Variants in PTPRM observed in about 807,000 individuals in gnomAD.
PTPRM encodes protein tyrosine phosphatase receptor type M, also known as receptor-type tyrosine-protein phosphatase mu.
PTPRM carries 47 observed loss-of-function variants against 186.7 expected under a neutral mutation model. The observed-to-expected ratio is 0.25, with a 90% CI of 0.20 to 0.32. The LOEUF is 0.32. PTPRM is among the 10% of genes least tolerant of loss of function. The pLI, the probability that PTPRM is intolerant of heterozygous loss-of-function variation, is 1.00. For missense variants in PTPRM, 1,494 were observed against 1,865.0 expected (o/e 0.80, Z 3.66); for synonymous variants, 668 against 674.9 (o/e 0.99, Z 0.16).
chr18:8,240,807 AG>A (rs2094423482), intron 14 of PTPRM, among the ~76,000 whole-genome samples: 1 of 53,818 alleles, frequency 1.9e-5, no homozygotes, highest in African/African-American at 8.5e-5. Flanking sequence ...AGAGAGAGAG[AG>A]AGAGAGAGAG....
intron 14 of PTPRM, among the ~76,000 whole-genome samples, chr18:8,202,638 C>G (rs1458263473): frequency 6.6e-6 from 1 of 151,682 alleles, no homozygotes; most frequent in Non-Finnish European, 1.5e-5. Context: ...ACGGAACTGC[C>G]TGTGTTTACC....
chr18:7,792,185 C>T (rs2043374144), intron 2 of PTPRM, among the ~76,000 whole-genome samples: 1 of 152,172 alleles, frequency 6.6e-6, no homozygotes, highest in Admixed American at 6.5e-5. Flanking sequence ...AACCAAAATG[C>T]TAACCCATAA....
At chr18:8,021,167 T>C (rs2085195112) in intron 7 of PTPRM, among the ~76,000 whole-genome samples, 1 of 152,292 alleles carries the variant, frequency 6.6e-6, no homozygotes, top group East Asian at 1.9e-4. Flanking sequence ...GAAAATACTC[T>C]GTGTACTTGG....
At chr18:7,628,734 A>AAATG (rs1385652604) in intron 1 of PTPRM, among the ~76,000 whole-genome samples, 19 of 152,320 alleles carry the variant, frequency 1.2e-4, no homozygotes, top group African/African-American at 4.1e-4. Context: ...GCACTGTCCT[A>AAATG]AATGCTGCTG....
At chr18:7,832,921 T>C (rs1469766603) in intron 2 of PTPRM, among the ~76,000 whole-genome samples, 1 of 152,172 alleles carries the variant, frequency 6.6e-6, no homozygotes, top group African/African-American at 2.4e-5. Flanking sequence ...CAAAAATGAG[T>C]ATACTGTAGG....
intron 13 of PTPRM, among the ~76,000 whole-genome samples, chr18:8,135,613 G>A (rs910931558): frequency 6.6e-5 from 10 of 152,228 alleles, no homozygotes; most frequent in East Asian, 1.9e-4. Context: ...TAAACACAAC[G>A]CCACAATAAA....
At chr18:8,342,936 GAA>G (rs33915601) in intron 22 of PTPRM, among the ~76,000 whole-genome samples, 98 of 151,064 alleles carry the variant, frequency 6.5e-4, no homozygotes, top group Admixed American at 1.8e-3. Flanking sequence ...AAGTCAAGCA[GAA>G]AAAAAAATGG....
chr18:8,386,943 G>A (rs1012843481), intron 30 of PTPRM, 129 bp from the exon 31 acceptor site: 36 of 963,850 alleles, frequency 3.7e-5, no homozygotes, highest in East Asian at 2.2e-4. Context: ...CAGAAGCCAC[G>A]TTGGTAATTT....
At chr18:7,832,833 A>G (rs187126606) in intron 2 of PTPRM, among the ~76,000 whole-genome samples, 1 of 152,304 alleles carries the variant, frequency 6.6e-6, no homozygotes, top group Non-Finnish European at 1.5e-5. Flanking sequence ...ATTCTTCTAC[A>G]TATGAATATC....
intron 23 of PTPRM, among the ~76,000 whole-genome samples, chr18:8,354,023 C>A (rs2095550028): frequency 6.6e-6 from 1 of 152,060 alleles, no homozygotes; most frequent in Non-Finnish European, 1.5e-5. Context: ...TCCAGCCTGG[C>A]CAACATGGTG....
chr18:8,168,450 A>C (rs1444714131), intron 14 of PTPRM, among the ~76,000 whole-genome samples: 6 of 152,200 alleles, frequency 3.9e-5, no homozygotes, highest in Non-Finnish European at 5.9e-5. Flanking sequence ...AAGTGTATAG[A>C]CTACATTTGG....
At chr18:7,671,634 A>G (rs2039218809) in intron 1 of PTPRM, among the ~76,000 whole-genome samples, 1 of 152,224 alleles carries the variant, frequency 6.6e-6, no homozygotes, top group Non-Finnish European at 1.5e-5. Context: ...AATGATTATC[A>G]TTTGTAAGGC....
chr18:7,613,033 A>ACCAG (rs1202279252), intron 1 of PTPRM, among the ~76,000 whole-genome samples: 1 of 152,128 alleles, frequency 6.6e-6, no homozygotes, highest in East Asian at 1.9e-4. Context: ...GGCTCAGGAA[A>ACCAG]CCAGCGTCCC....
chr18:8,161,147 T>C (rs2093221841), intron 14 of PTPRM, among the ~76,000 whole-genome samples: 1 of 152,184 alleles, frequency 6.6e-6, no homozygotes, highest in Admixed American at 6.5e-5. Context: ...AGAGGTGACA[T>C]AGCATTCACT....
intron 24 of PTPRM, chr18:8,371,756 A>G (rs566227913): frequency 1.3e-5 from 2 of 152,784 alleles, no homozygotes; most frequent in South Asian, 4.1e-4. Flanking sequence ...TTCTGCTGAC[A>G]TAGGGAGGGG....
intron 1 of PTPRM, among the ~76,000 whole-genome samples, chr18:7,660,839 C>T (rs929198363): frequency 2.6e-5 from 4 of 152,008 alleles, no homozygotes; most frequent in East Asian, 1.9e-4. Context: ...GGCACGGTGG[C>T]GTGTGCCTGT....
In PTPRM at chr18:8,376,215, A is replaced by G. The variant is rs1297568121; in HGVS notation, c.3326+15A>G. On this transcript the variant is annotated intron_variant, in intron 25 of 32. Coordinates refer to ENST00000580170, the MANE Select transcript of PTPRM (RefSeq NM_001105244.2). The stretch of plus-strand genomic sequence containing the variant: ...GTGCACTGCAGGTAAGCAGAGCTCC[A>G]GAGCCTCTTGAAGGAAACGCAGTGG... The G allele has an allele frequency of 1.2e-6, 2 of 1,606,362 alleles. No homozygotes were observed. The highest frequency in any genetic ancestry group is 3.3e-5 in the Admixed American group (2 of 59,918).
chr18:8,164,499 C>T (rs682900), intron 14 of PTPRM, among the ~76,000 whole-genome samples: 151,998 of 152,354 alleles, frequency 1, 75,822 homozygotes, highest in Middle Eastern at 1. Context: ...ATCCATACAA[C>T]GGAGTACTAT....
At chr18:8,366,159 A>G (rs1469172136) in intron 23 of PTPRM, among the ~76,000 whole-genome samples, 5 of 152,210 alleles carry the variant, frequency 3.3e-5, no homozygotes, top group African/African-American at 1.2e-4. Context: ...ACTCTCTGCC[A>G]TAGGACTTAT....
Sources: gnomAD v4.1 joint callset for allele counts (sites outside exome capture counted in the v4.1 genomes callset) on GRCh38, gnomAD v4.1.1 for gene constraint, MANE v1.5 for transcripts, NCBI Gene and HGNC (gene_info 2026-07-23, HGNC 2026-07-21) for gene names.